Variants in ZEB2 observed in about 807,000 individuals in gnomAD.
ZEB2 encodes zinc finger E-box-binding homeobox 2.
In ZEB2, 6 loss-of-function variants were observed where a neutral mutation model predicts 99.9. That is an observed-to-expected ratio of 0.06 (90% CI 0.03 to 0.12). The LOEUF (loss-of-function observed/expected upper bound fraction) is 0.12, where lower values mean the gene tolerates loss of function less well. ZEB2 is among the 10% of genes least tolerant of loss of function. The pLI is 1.00. For synonymous variants in ZEB2, 517 were observed against 542.5 expected, an observed-to-expected ratio of 0.95 and a Z score of 0.65; for missense variants, 969 against 1,502.8, an observed-to-expected ratio of 0.64 and a Z score of 5.87.
At chr2:144,500,753 G>A (rs975839853) in intron 2 of ZEB2, among the ~76,000 whole-genome samples, 3 of 152,160 alleles carry the variant, frequency 2.0e-5, no homozygotes, top group Non-Finnish European at 4.4e-5. Flanking sequence ...AGGCCTGGGA[G>A]CTGGGGGCTG....
At chr2:144,414,006 G>A (rs1377595822) in intron 4 of ZEB2, among the ~76,000 whole-genome samples, 1 of 152,166 alleles carries the variant, frequency 6.6e-6, no homozygotes, top group African/African-American at 2.4e-5. Context: ...TGGTTAAAGA[G>A]ACTTAATTGC....
At chr2:144,484,555 A>G (rs6755392) in intron 2 of ZEB2, among the ~76,000 whole-genome samples, 91,359 of 151,908 alleles carry the variant, frequency 0.6, 28,326 homozygotes, top group Non-Finnish European at 0.69. Flanking sequence ...CTTCTTCTGT[A>G]TTTCTCCCAC....
At chr2:144,431,582 C>A (rs1349094706) in intron 2 of ZEB2, among the ~76,000 whole-genome samples, 1 of 151,820 alleles carries the variant, frequency 6.6e-6, no homozygotes, top group Admixed American at 6.6e-5. Context: ...GTTTGAATAC[C>A]AATTGACGGG....
At chr2:144,396,166 A>T (rs1292740788) in intron 9 of ZEB2, among the ~76,000 whole-genome samples, 33 of 152,236 alleles carry the variant, frequency 2.2e-4, no homozygotes, top group Admixed American at 2.2e-3. Flanking sequence ...TCCCTTTGAC[A>T]TAATTTCTAA....
At chr2:144,450,973 C>A (rs999155957) in intron 2 of ZEB2, among the ~76,000 whole-genome samples, 6 of 152,306 alleles carry the variant, frequency 3.9e-5, no homozygotes, top group Middle Eastern at 3.4e-3. Context: ...CCACTGTGAC[C>A]AGCCTGGTTT....
intron 2 of ZEB2, chr2:144,516,223 C>CCT (rs1553971555): frequency 1.2e-5 from 1 of 85,672 alleles, no homozygotes; most frequent in East Asian, 7.8e-4. Context: ...AGCTCCCCCA[C>CCT]CCCCCCCCGG....
chr2:144,505,463 A>G, intron 2 of ZEB2, among the ~76,000 whole-genome samples: 1 of 152,234 alleles, frequency 6.6e-6, no homozygotes, highest in East Asian at 1.9e-4. Flanking sequence ...GCAGTTTCAG[A>G]GTACTGATTC....
Position 144,404,199 on chromosome 2 carries a change from C to T in ZEB2, c.593-69G>A, listed in dbSNP as rs1487858629. Reference sequence around the variant, plus strand: ...CAGTAAATCAATGGCAGCTAATGGGCTGACTGCCCGGGATGGTATGACAGG... The same window carrying T: ...CAGTAAATCAATGGCAGCTAATGGGTTGACTGCCCGGGATGGTATGACAGG... On this transcript the variant is annotated intron_variant, in intron 5 of 9. Transcript: ENST00000627532. 1.9e-6 allele frequency: 3 copies of T among 1,545,844 alleles called. No individual in the cohort carries two copies. In the Admixed American group the frequency reaches 5.2e-5, roughly 27 times the overall value.
intron 2 of ZEB2, among the ~76,000 whole-genome samples, chr2:144,478,608 A>G (rs1274415122): frequency 6.6e-6 from 1 of 152,242 alleles, no homozygotes; most frequent in East Asian, 1.9e-4. Flanking sequence ...AACACAATGA[A>G]AACACTTTCT....
chr2:144,452,335 G>A (rs1704065132), intron 2 of ZEB2, among the ~76,000 whole-genome samples: 2 of 151,972 alleles, frequency 1.3e-5, no homozygotes, highest in South Asian at 4.1e-4. Context: ...AAGGGGGGAA[G>A]CTCTGACTTA....
intron 2 of ZEB2, among the ~76,000 whole-genome samples, chr2:144,469,246 A>T (rs1704319683): frequency 6.6e-6 from 1 of 152,210 alleles, no homozygotes; most frequent in South Asian, 2.1e-4. Context: ...AAGTACACTT[A>T]TTAGTAAAAT....
intron 2 of ZEB2, among the ~76,000 whole-genome samples, chr2:144,458,824 G>A (rs1704155213): frequency 6.6e-6 from 1 of 152,160 alleles, no homozygotes; most frequent in Non-Finnish European, 1.5e-5. Context: ...ACATCCAGGT[G>A]GAAATGCTTT....
chr2:144,429,559 T>C, intron 3 of ZEB2: 1 of 730,786 alleles, frequency 1.4e-6, no homozygotes, highest in Non-Finnish European at 2.2e-6. Flanking sequence ...AAAACTGAAA[T>C]ATAATCCCTT....
At chr2:144,512,044 G>A in intron 2 of ZEB2, 2 of 1,287,100 alleles carry the variant, frequency 1.6e-6, no homozygotes, top group South Asian at 1.2e-5. Flanking sequence ...TGTCTGACTT[G>A]GCCATTCAGA....
intron 2 of ZEB2, among the ~76,000 whole-genome samples, chr2:144,469,528 A>C (rs574064187): frequency 6.6e-6 from 1 of 152,152 alleles, no homozygotes; most frequent in African/African-American, 2.4e-5. Flanking sequence ...CCTTAACCCA[A>C]TTTCCTTGAC....
chr2:144,514,028 G>C (rs1705090052), intron 2 of ZEB2: 2 of 798,030 alleles, frequency 2.5e-6, no homozygotes, highest in Non-Finnish European at 3.7e-6. Flanking sequence ...TTTCTGGGAA[G>C]AGATTTCATC....
chr2:144,505,381 A>G (rs1233729274), intron 2 of ZEB2, among the ~76,000 whole-genome samples: 1 of 152,210 alleles, frequency 6.6e-6, no homozygotes, highest in Non-Finnish European at 1.5e-5. Flanking sequence ...TCAAGTTGGC[A>G]AAAGTTTAGA....
intron 2 of ZEB2, among the ~76,000 whole-genome samples, chr2:144,459,684 T>C (rs988865413): frequency 6.6e-6 from 1 of 152,192 alleles, no homozygotes; most frequent in Non-Finnish European, 1.5e-5. Context: ...GTCGTTATTA[T>C]TTCTAAAAAA....
chr2:144,432,233 C>T (rs969158874), intron 2 of ZEB2, among the ~76,000 whole-genome samples: 1 of 152,162 alleles, frequency 6.6e-6, no homozygotes, highest in African/African-American at 2.4e-5. Context: ...GCATCCATCA[C>T]CTTCACAGGA....
Sources: allele counts gnomAD v4.1 joint callset (sites outside exome capture counted in the v4.1 genomes callset), GRCh38; gene constraint gnomAD v4.1.1; transcripts MANE v1.5; gene names NCBI Gene and HGNC (gene_info 2026-07-23, HGNC 2026-07-21).